The following ABCB5 variants were observed in gnomAD, a reference collection of about 807,000 sequenced individuals.
The protein encoded by ABCB5 is ATP-binding cassette sub-family B member 5.
Under a neutral mutation model 144.2 loss-of-function variants are expected in ABCB5, and 155 were observed. That is an observed-to-expected ratio of 1.08 (90% CI 0.94 to 1.23). The LOEUF (loss-of-function observed/expected upper bound fraction) is 1.23, where lower values mean the gene tolerates loss of function less well. ABCB5 is among the 50% of genes most tolerant of loss of function. ABCB5 has a pLI of 0.00. For missense variants in ABCB5, 1,830 were observed against 1,520.8 expected (o/e 1.20, Z -3.38); for synonymous variants, 610 against 528.6 (o/e 1.15, Z -2.11).
chr7:20,709,203 A>G (rs1314595429), intron 20 of ABCB5, among the ~76,000 whole-genome samples: 1 of 130,158 alleles, frequency 7.7e-6, no homozygotes, highest in Non-Finnish European at 1.7e-5. Flanking sequence ...ATCAAACATG[A>G]TATAATTAAC....
At position 20,728,460 on chromosome 7, in the gene ABCB5, G is replaced by C. The variant is rs747896213; in HGVS notation, c.2867+5G>C. 6.2e-7 allele frequency: 1 copy of C among 1,613,872 alleles called. No homozygotes were observed. The highest frequency in any genetic ancestry group is 2.2e-5 in the East Asian group (1 of 44,870). On this transcript the variant is annotated splice_donor_5th_base_variant and intron_variant, in intron 23 of 27. Coordinates refer to ENST00000404938, the MANE Select transcript of ABCB5 (RefSeq NM_001163941.2). Reference sequence around the variant, plus strand: ...GACCCCAGAGGGCATGTTCATGTAAGTCGTGGAAATAGTCCGGACCTGGTA... The same window carrying C: ...GACCCCAGAGGGCATGTTCATGTAACTCGTGGAAATAGTCCGGACCTGGTA...
chr7:20,754,619 G>C (rs938511818), intron 27 of ABCB5, among the ~76,000 whole-genome samples: 1 of 152,154 alleles, frequency 6.6e-6, no homozygotes, highest in Non-Finnish European at 1.5e-5. Context: ...TAACAGGACA[G>C]TTCTACAGCT....
At chr7:20,750,982 G>A (rs932813695) in intron 26 of ABCB5, among the ~76,000 whole-genome samples, 1 of 152,108 alleles carries the variant, frequency 6.6e-6, no homozygotes, top group African/African-American at 2.4e-5. Context: ...GCAGCTCTCA[G>A]TCGAGCCACA....
At chr7:20,676,165 C>T (rs1165590281) in intron 14 of ABCB5, among the ~76,000 whole-genome samples, 1 of 77,764 alleles carries the variant, frequency 1.3e-5, no homozygotes, top group Admixed American at 1.5e-4. Context: ...TTCTACTACA[C>T]ATACACACAC....
rs752539619 is a variant in ABCB5, at chr7:20,643,352, T to C, written c.483T>C (p.Gly161=). The change falls in exon 6 of 28, where the codon GGT becomes GGC. Residue 161 remains glycine, a synonymous_variant. Coordinates refer to ENST00000404938, the MANE Select transcript of ABCB5 (RefSeq NM_001163941.2). ...DIGWFDSCDI[G]ELNTRMTDDI... is the part of the protein sequence containing the mutation. ...GCTGGTTTGATAGCTGTGACATCGG[T>C]GAACTTAACACTCGCATGACAGAGT... 6.2e-7 allele frequency: 1 copy of C among 1,613,972 alleles called. No individual in the cohort carries two copies. The highest frequency in any genetic ancestry group is 1.1e-5 in the South Asian group (1 of 91,086).
At chr7:20,736,328 C>G (rs936222965) in intron 23 of ABCB5, among the ~76,000 whole-genome samples, 3 of 152,194 alleles carry the variant, frequency 2.0e-5, no homozygotes, top group African/African-American at 7.2e-5. Flanking sequence ...AGCAATTCTC[C>G]TGCCTCAGTC....
chr7:20,670,536 G>A (rs1249677802), intron 14 of ABCB5, among the ~76,000 whole-genome samples: 3 of 152,168 alleles, frequency 2.0e-5, no homozygotes, highest in Non-Finnish European at 1.5e-5. Context: ...AACCAATTTT[G>A]TTATACCATT....
chr7:20,690,130 A>G (rs1485159138), intron 16 of ABCB5, among the ~76,000 whole-genome samples: 4 of 152,220 alleles, frequency 2.6e-5, no homozygotes, highest in Admixed American at 6.5e-5. Context: ...TGAATAAAAA[A>G]TCACAACTTT....
chr7:20,686,217 T>C lies in ABCB5; in HGVS notation c.2010+381T>C, dbSNP rs568771557. 2.3e-4 allele frequency among the ~76,000 whole-genome samples: 35 copies of C among 152,322 alleles called. 1 individual carries two copies. The South Asian group carries it at 5.0e-3, about 22-fold the overall frequency. ...ATGCATGCCACTCCCGGAATGCAGA[T>C]AGGCCCAGCACATACACCACCCAGG... On this transcript the variant is annotated intron_variant, in intron 16 of 27. Transcript: ENST00000404938.
intron 7 of ABCB5, among the ~76,000 whole-genome samples, chr7:20,644,077 T>C (rs185098946): frequency 1.1e-4 from 17 of 149,878 alleles, no homozygotes; most frequent in Non-Finnish European, 1.9e-4. Context: ...AAAGTTTATG[T>C]ATATATGTAA....
intron 14 of ABCB5, among the ~76,000 whole-genome samples, chr7:20,681,283 A>G (rs995593422): frequency 1.3e-5 from 2 of 151,624 alleles, no homozygotes; most frequent in African/African-American, 4.9e-5. Context: ...CCCGCAACCA[A>G]GCCTGGCTAA....
chr7:20,666,570 C>G (rs933282800), intron 14 of ABCB5, among the ~76,000 whole-genome samples: 4 of 152,056 alleles, frequency 2.6e-5, no homozygotes, highest in Admixed American at 1.3e-4. Flanking sequence ...AAATAATGAC[C>G]TGGTGATGTA....
At chr7:20,694,169 CA>C (rs373036551) in intron 16 of ABCB5, among the ~76,000 whole-genome samples, 9 of 149,670 alleles carry the variant, frequency 6.0e-5, no homozygotes, top group East Asian at 1.9e-4. Flanking sequence ...AATGAGATTA[CA>C]AAAAAAATAA....
chr7:20,653,828 C>T (rs1167815769), intron 13 of ABCB5, among the ~76,000 whole-genome samples: 4 of 152,166 alleles, frequency 2.6e-5, no homozygotes, highest in African/African-American at 7.2e-5. Flanking sequence ...AAGCTGCAAG[C>T]GGAACACTGG....
At chr7:20,723,750 C>A (rs1047311860) in intron 21 of ABCB5, among the ~76,000 whole-genome samples, 1 of 152,140 alleles carries the variant, frequency 6.6e-6, no homozygotes, top group South Asian at 2.1e-4. Context: ...TTGAGCAATT[C>A]TTCTGAATAT....
intron 20 of ABCB5, among the ~76,000 whole-genome samples, 182 bp downstream of exon 20, chr7:20,704,989 T>C (rs1481680300): frequency 6.6e-6 from 1 of 152,184 alleles, no homozygotes; most frequent in Non-Finnish European, 1.5e-5. Context: ...CTTTCCGTTC[T>C]GGATATTTTT....
intron 21 of ABCB5, among the ~76,000 whole-genome samples, chr7:20,723,930 C>A (rs1781951493): frequency 6.6e-6 from 1 of 152,108 alleles, no homozygotes; most frequent in African/African-American, 2.4e-5. Flanking sequence ...TTAGGATCAA[C>A]CATATTCATA....
chr7:20,654,884 A>G (rs1283723429), intron 13 of ABCB5, among the ~76,000 whole-genome samples: 1 of 152,108 alleles, frequency 6.6e-6, no homozygotes, highest in Non-Finnish European at 1.5e-5. Flanking sequence ...AAAAAGATCT[A>G]CAGTCTGCAA....
In ABCB5 at chr7:20,651,498, C is replaced by G. The variant is rs368790773; in HGVS notation, c.1411C>G (p.Pro471Ala). 148 of 1,613,828 alleles carry G rather than the reference C, an allele frequency of 9.2e-5. No homozygotes were observed. The highest frequency in any genetic ancestry group is 1.1e-4 in the Non-Finnish European group (135 of 1,180,002). ...RDHIGVVSQE[P>A]VLFGTTISNN... ...CCATATTGGAGTGGTTAGTCAAGAG[C>G]CTGTTTTGTTCGGGACCACCATCAG... is the stretch of plus-strand genomic sequence containing the variant. The change falls in exon 13 of 28, where the codon CCT (proline) becomes GCT (alanine). Residue 471 changes from proline to alanine, a missense_variant. Pro to Ala is a conservative substitution (Grantham distance 27). Transcript: ENST00000404938.
Sources: gnomAD v4.1 joint callset for allele counts (sites outside exome capture counted in the v4.1 genomes callset) on GRCh38, gnomAD v4.1.1 for gene constraint, MANE v1.5 for transcripts, NCBI Gene and HGNC (gene_info 2026-07-23, HGNC 2026-07-21) for gene names.